RBBP8: variants seen among roughly 807,000 people sequenced by gnomAD.
RBBP8 encodes the protein DNA endonuclease RBBP8.
In RBBP8, 88 loss-of-function variants were observed where a neutral mutation model predicts 108.3. The observed-to-expected ratio is 0.81, with a 90% confidence interval of 0.68 to 0.97. The LOEUF (loss-of-function observed/expected upper bound fraction) is 0.97, where lower values mean the gene tolerates loss of function less well. RBBP8 is among the 50% of genes least tolerant of loss of function. RBBP8 has a pLI of 0.00. For missense variants in RBBP8, 1,023 were observed against 1,049.0 expected (o/e 0.98, Z 0.34); for synonymous variants, 332 against 348.2 (o/e 0.95, Z 0.52).
At chr18:22,994,630 G>C (rs1399671459) in intron 12 of RBBP8, among the ~76,000 whole-genome samples, 20 of 144,372 alleles carry the variant, frequency 1.4e-4, no homozygotes, top group Non-Finnish European at 2.4e-4. Context: ...CTGGGTGACA[G>C]AGCAAGACTC....
In RBBP8 at chr18:22,916,549, T is replaced by G. The variant is rs115323448; in HGVS notation, c.-239-392T>G. 4.7e-3 allele frequency among the ~76,000 whole-genome samples: 719 copies of G among 152,138 alleles called. 5 individuals carry two copies. Among genetic ancestry groups the G allele is most frequent in the African/African-American group, 0.017 (686 of 41,530 alleles). On this transcript the variant is annotated intron_variant, in intron 2 of 4. Coordinates refer to the RBBP8 transcript ENST00000577588. ...TGAAATCTAATCTAAAAAGGTAAAA[T>G]TATGTTGTATAGTGTGTTAATGAAT...
chr18:23,000,736 G>A (rs1310594572), intron 14 of RBBP8, among the ~76,000 whole-genome samples: 83 of 143,980 alleles, frequency 5.8e-4, no homozygotes, highest in Admixed American at 1.3e-3. Flanking sequence ...GCAAGACTCC[G>A]TCTCAAAAAA....
chr18:22,957,291 C>CTT (rs11418623), intron 4 of RBBP8, among the ~76,000 whole-genome samples: 20,771 of 92,950 alleles, frequency 0.22, 3,027 homozygotes, highest in East Asian at 0.34. Context: ...ATTACTTTTT[C>CTT]TTTTTTTTTT....
intron 1 of RBBP8, among the ~76,000 whole-genome samples, chr18:22,914,510 C>G (rs1346286366): frequency 1.3e-5 from 2 of 152,132 alleles, no homozygotes. Context: ...TATTCTCTTA[C>G]TATGCTTTTC....
chr18:22,930,299 G>A (rs556417932), upstream of RBBP8, among the ~76,000 whole-genome samples: 1 of 152,314 alleles, frequency 6.6e-6, no homozygotes, highest in African/African-American at 2.4e-5. Flanking sequence ...CACTGGGCCT[G>A]AGGTGACTAG....
chr18:22,949,818 C>A, intron 4 of RBBP8, 105 bp downstream of exon 4: 1 of 812,900 alleles, frequency 1.2e-6, no homozygotes, highest in East Asian at 2.5e-5. Flanking sequence ...TGATCTTTCC[C>A]ACAGCCTTCT....
At chr18:22,942,242 G>C (rs1041581533) in intron 2 of RBBP8, among the ~76,000 whole-genome samples, 2 of 152,060 alleles carry the variant, frequency 1.3e-5, no homozygotes, top group Non-Finnish European at 2.9e-5. Context: ...GTTGGGAATG[G>C]TAATATTTGA....
rs2046452831 is a variant in RBBP8, at chr18:23,026,434, CT to C, written c.*196del. ...AAGGCGCTTTCATTTTGCACTCTAACTTAAGAGTTTTTACTTTATGTAGTGA... is the reference window on the plus strand; with the variant it reads ...AAGGCGCTTTCATTTTGCACTCTAACTAAGAGTTTTTACTTTATGTAGTGA... On this transcript the variant is annotated 3_prime_UTR_variant, in exon 19 of 19. Coordinates refer to ENST00000327155, the MANE Select transcript of RBBP8 (RefSeq NM_002894.3). 1.8e-6 allele frequency: 1 copy of C among 549,306 alleles called. No individual in the cohort carries two copies. Among genetic ancestry groups the C allele is most frequent in the African/African-American group, 1.9e-5 (1 of 52,158 alleles). 34.0% of individuals were successfully genotyped at this position (549,306 alleles called of 1,614,324 possible). A position where few individuals can be genotyped will look rare whatever the true frequency, so the allele number is the denominator to read the frequency against.
intron 8 of RBBP8, among the ~76,000 whole-genome samples, chr18:22,988,206 C>A (rs893335414): frequency 2.0e-4 from 30 of 152,192 alleles, no homozygotes; most frequent in Non-Finnish European, 4.4e-5. Context: ...TTGCTTCTTG[C>A]CTAATGAGTG....
chr18:22,922,065 G>A (rs1021566560), intron 3 of RBBP8, among the ~76,000 whole-genome samples: 1 of 152,146 alleles, frequency 6.6e-6, no homozygotes, highest in East Asian at 1.9e-4. Context: ...CCTATAATGT[G>A]ATCCTGAGGC....
intron 8 of RBBP8, among the ~76,000 whole-genome samples, chr18:22,986,889 G>A (rs993402548): frequency 6.6e-5 from 10 of 152,200 alleles, no homozygotes; most frequent in African/African-American, 2.2e-4. Flanking sequence ...AACACAGAGG[G>A]TGGCAGATCC....
At chr18:22,983,942 G>T (rs1380131946) in intron 7 of RBBP8, among the ~76,000 whole-genome samples, 3 of 152,122 alleles carry the variant, frequency 2.0e-5, no homozygotes, top group Non-Finnish European at 4.4e-5. Context: ...TTAGCTGGGC[G>T]TGGTGGCACA....
intron 18 of RBBP8, among the ~76,000 whole-genome samples, chr18:23,023,011 C>T (rs2046398485): frequency 6.6e-6 from 1 of 151,874 alleles, no homozygotes; most frequent in African/African-American, 2.4e-5. Flanking sequence ...CAAACTCTAC[C>T]TCAGCCTTCC....
At chr18:22,936,180 C>A (rs558012310) in intron 1 of RBBP8, among the ~76,000 whole-genome samples, 15 of 152,220 alleles carry the variant, frequency 9.9e-5, no homozygotes, top group Middle Eastern at 3.4e-3. Flanking sequence ...CCGCTCACTG[C>A]AAATTCCGCC....
At chr18:22,960,814 T>C (rs1267267427) in intron 4 of RBBP8, among the ~76,000 whole-genome samples, 1 of 152,188 alleles carries the variant, frequency 6.6e-6, no homozygotes, top group Non-Finnish European at 1.5e-5. Context: ...ACATACATAA[T>C]TATTTTTTAA....
chr18:22,936,425 G>A (rs1910586959), intron 1 of RBBP8, among the ~76,000 whole-genome samples: 1 of 152,024 alleles, frequency 6.6e-6, no homozygotes, highest in Non-Finnish European at 1.5e-5. Flanking sequence ...AGTCTATAGT[G>A]GTAAATTAAT....
At chr18:22,950,961 G>C (rs1177388020) in intron 4 of RBBP8, among the ~76,000 whole-genome samples, 1 of 152,136 alleles carries the variant, frequency 6.6e-6, no homozygotes, top group Non-Finnish European at 1.5e-5. Context: ...TGGGTGATTT[G>C]AGTTTGTCTC....
At position 22,992,826 on chromosome 18, in the gene RBBP8, C is replaced by T. The variant is rs775061487; in HGVS notation, c.999C>T (p.Thr333=). 5.0e-6 allele frequency: 8 copies of T among 1,610,936 alleles called. No homozygotes were observed. Among genetic ancestry groups the T allele is most frequent in the South Asian group, 4.4e-5 (4 of 90,994 alleles). Residue 333 remains threonine, a synonymous_variant, in exon 11 of 19, where the codon ACC becomes ACT. Coordinates refer to ENST00000327155, the MANE Select transcript of RBBP8 (RefSeq NM_002894.3). ...TRVSSPVFGA[T]SSIKSGLDLN... is the part of the protein sequence containing the mutation. ...TGTCATCTCCTGTATTTGGAGCTAC[C>T]TCTAGTATCAAAAGTGGTTTAGATT...
chr18:22,963,338 G>T (rs1913279622), intron 4 of RBBP8, among the ~76,000 whole-genome samples: 1 of 151,734 alleles, frequency 6.6e-6, no homozygotes, highest in Non-Finnish European at 1.5e-5. Context: ...TTATGATTAT[G>T]TAAATGCAGT....
Sources: allele counts gnomAD v4.1 joint callset (sites outside exome capture counted in the v4.1 genomes callset), GRCh38; gene constraint gnomAD v4.1.1; transcripts MANE v1.5; gene names NCBI Gene and HGNC (gene_info 2026-07-23, HGNC 2026-07-21).